The following PARP16 variants were observed in gnomAD, a reference collection of about 807,000 sequenced individuals.
The protein encoded by PARP16 is protein mono-ADP-ribosyltransferase PARP16.
Under a neutral mutation model 35.0 loss-of-function variants are expected in PARP16, and 31 were observed. The ratio of observed to expected loss-of-function variants is 0.88; its 90% confidence interval spans 0.66 to 1.19. The LOEUF is 1.19. PARP16 is among the 50% of genes most tolerant of loss of function. The probability of loss-of-function intolerance (pLI) is 0.00; values close to 1 mark genes in which losing one functional copy is unlikely to be tolerated. For synonymous variants in PARP16, 162 were observed against 169.5 expected (o/e 0.96, Z 0.34); for missense variants, 424 against 411.2 (o/e 1.03, Z -0.27).
At chr15:65,283,812 G>A (rs1290034270) in intron 1 of PARP16, among the ~76,000 whole-genome samples, 1 of 152,180 alleles carries the variant, frequency 6.6e-6, no homozygotes, top group Non-Finnish European at 1.5e-5. Flanking sequence ...ATAAGTATCT[G>A]TTGCCAAAAC....
chr15:65,231,255 C>T (rs2088775741), downstream of PARP16, among the ~76,000 whole-genome samples: 1 of 152,098 alleles, frequency 6.6e-6, no homozygotes, highest in Non-Finnish European at 1.5e-5. Flanking sequence ...CAATCTTTGT[C>T]TTTTAACTGA....
At chr15:65,240,376 C>T (rs1331111170) in intron 3 of PARP16, among the ~76,000 whole-genome samples, 1 of 142,738 alleles carries the variant, frequency 7.0e-6, no homozygotes, top group African/African-American at 2.8e-5. Flanking sequence ...GGATTACAGG[C>T]GTGAGCCACA....
chr15:65,273,061 C>T (rs1016050562), intron 1 of PARP16, among the ~76,000 whole-genome samples: 2 of 151,828 alleles, frequency 1.3e-5, no homozygotes, highest in South Asian at 4.2e-4. Context: ...GGGCGGGTCA[C>T]GAGGTCAAGA....
intron 3 of PARP16, among the ~76,000 whole-genome samples, chr15:65,241,742 T>C (rs953780242): frequency 1.1e-4 from 16 of 152,294 alleles, no homozygotes; most frequent in Admixed American, 8.5e-4. Context: ...TACAAATCAT[T>C]TATTCTTCAT....
chr15:65,262,410 G>T (rs2140856168), intron 4 of PARP16, among the ~76,000 whole-genome samples: 1 of 152,296 alleles, frequency 6.6e-6, no homozygotes, highest in South Asian at 2.1e-4. Context: ...GGGATTACAG[G>T]CGTGAGCCAT....
intron 1 of PARP16, among the ~76,000 whole-genome samples, chr15:65,271,363 T>G (rs2090088082): frequency 1.3e-5 from 2 of 152,018 alleles, no homozygotes; most frequent in South Asian, 4.2e-4. Flanking sequence ...AGCCTCTGCC[T>G]CCTAGGTTCA....
intron 1 of PARP16, among the ~76,000 whole-genome samples, chr15:65,275,045 G>A (rs1479492396): frequency 6.6e-6 from 1 of 151,968 alleles, no homozygotes. Context: ...AACTCCAGAG[G>A]CAGAGGTTGC....
intron 1 of PARP16, among the ~76,000 whole-genome samples, chr15:65,273,027 C>G (rs980014834): frequency 6.6e-6 from 1 of 152,022 alleles, no homozygotes; most frequent in Non-Finnish European, 1.5e-5. Flanking sequence ...CACCTGTAAT[C>G]CCAGCACTTT....
At chr15:65,235,839 A>G (rs2088865751) in intron 3 of PARP16, among the ~76,000 whole-genome samples, 1 of 151,042 alleles carries the variant, frequency 6.6e-6, no homozygotes, top group African/African-American at 2.4e-5. Flanking sequence ...TGTCTTAAAA[A>G]AAAAAAAAAA....
chr15:65,254,987 C>T (rs988101312), downstream of PARP16, among the ~76,000 whole-genome samples: 1 of 152,198 alleles, frequency 6.6e-6, no homozygotes, highest in East Asian at 1.9e-4. Flanking sequence ...GCAAGGACCT[C>T]ACCTGTGAGA....
chr15:65,259,197 A>G lies in PARP16; in HGVS notation c.*210T>C, dbSNP rs2089614545. ...AGATGGAAGGACTCCCCTAAAACCT[A>G]AGAGTGAGGGACTAGTAGTCCCCGT... On this transcript the variant is annotated 3_prime_UTR_variant, in exon 6 of 6. Transcript: ENST00000649807. The G allele has an allele frequency of 8.3e-6, 5 of 600,396 alleles. No homozygotes were observed. The highest frequency in any genetic ancestry group is 1.5e-5 in the Non-Finnish European group (5 of 333,168). The allele number at this position is 600,396 out of a possible 1,614,324, so 37.2% of individuals were successfully genotyped here. A position where few individuals can be genotyped will look rare whatever the true frequency, so the allele number is the denominator to read the frequency against.
chr15:65,241,660 C>T (rs1271476879), intron 3 of PARP16, among the ~76,000 whole-genome samples: 3 of 151,986 alleles, frequency 2.0e-5, no homozygotes, highest in East Asian at 1.9e-4. Context: ...GCAAAGTGTC[C>T]GTTGAAAATT....
At chr15:65,264,231 G>C (rs191085985) in intron 3 of PARP16, among the ~76,000 whole-genome samples, 2 of 152,264 alleles carry the variant, frequency 1.3e-5, no homozygotes, top group East Asian at 3.9e-4. Context: ...ACACATCTTT[G>C]CCCATGGTAG....
downstream of PARP16, among the ~76,000 whole-genome samples, chr15:65,257,403 T>G (rs2089546614): frequency 6.7e-6 from 1 of 150,248 alleles, no homozygotes; most frequent in Non-Finnish European, 1.5e-5. Flanking sequence ...CACTGCACTC[T>G]AGCCTAGGTG....
At chr15:65,262,693 A>G (rs2089776156) in intron 4 of PARP16, among the ~76,000 whole-genome samples, 1 of 152,108 alleles carries the variant, frequency 6.6e-6, no homozygotes, top group East Asian at 1.9e-4. Context: ...TGCTTCATTT[A>G]GCAAATATTT....
downstream of PARP16, among the ~76,000 whole-genome samples, chr15:65,232,937 C>G (rs1433487342): frequency 6.6e-6 from 1 of 151,992 alleles, no homozygotes; most frequent in African/African-American, 2.4e-5. Context: ...AACAGTTGAG[C>G]ATGGTGGTGC....
chr15:65,267,258 A>AAAT (rs2089927425), intron 2 of PARP16, among the ~76,000 whole-genome samples: 2 of 151,218 alleles, frequency 1.3e-5, no homozygotes, highest in East Asian at 3.9e-4. Context: ...TAATAATAAT[A>AAAT]AATAATAACA....
At chr15:65,266,130 C>T (rs548223207) in intron 3 of PARP16, among the ~76,000 whole-genome samples, 40 of 152,122 alleles carry the variant, frequency 2.6e-4, no homozygotes, top group Non-Finnish European at 2.1e-4. Context: ...GGTTTCACCA[C>T]GTTGGCCAGG....
intron 2 of PARP16, among the ~76,000 whole-genome samples, chr15:65,270,105 G>T (rs1392728353): frequency 6.6e-6 from 1 of 152,200 alleles, no homozygotes; most frequent in Non-Finnish European, 1.5e-5. Flanking sequence ...TGTGTCTTTG[G>T]CAGGAGCTTG....
Sources: allele counts gnomAD v4.1 joint callset (sites outside exome capture counted in the v4.1 genomes callset), GRCh38; gene constraint gnomAD v4.1.1; transcripts MANE v1.5; gene names NCBI Gene and HGNC (gene_info 2026-07-23, HGNC 2026-07-21).